LOC128462377: variants seen among roughly 807,000 people sequenced by gnomAD.
the LOC128462377 span, among the ~76,000 whole-genome samples, chr16:89,346,560 G>A: frequency 6.6e-6 from 1 of 152,228 alleles, no homozygotes; most frequent in South Asian, 2.1e-4. Flanking sequence ...CTTCTGAAGT[G>A]ACAGTGCAGT....
chr16:89,342,877 T>C, the LOC128462377 span, among the ~76,000 whole-genome samples: 2 of 151,690 alleles, frequency 1.3e-5, no homozygotes, highest in Non-Finnish European at 2.9e-5. Flanking sequence ...GGCAAAGGAG[T>C]GGGAAAGGGA....
the LOC128462377 span, among the ~76,000 whole-genome samples, chr16:89,377,419 C>T: frequency 6.6e-6 from 1 of 150,508 alleles, no homozygotes; most frequent in African/African-American, 2.5e-5. Context: ...TGTGATTCCA[C>T]AGGGTTTACA....
the LOC128462377 span, among the ~76,000 whole-genome samples, chr16:89,353,671 G>C: frequency 1.3e-5 from 2 of 152,104 alleles, no homozygotes; most frequent in South Asian, 2.1e-4. Context: ...GTAGAGACAG[G>C]GTTTCATCAT....
the LOC128462377 span, among the ~76,000 whole-genome samples, chr16:89,327,039 GAATGCAGAGGTGGGA>G: frequency 9.3e-4 from 41 of 44,224 alleles, no homozygotes; most frequent in African/African-American, 3.6e-3. Context: ...CAGAGGTGGG[GAATGCAGAGGTGGGA>G]AATGCAGAGG....
chr16:89,332,702 C>T, the LOC128462377 span, among the ~76,000 whole-genome samples: 3 of 152,316 alleles, frequency 2.0e-5, no homozygotes, highest in East Asian at 3.9e-4. Flanking sequence ...GGCTCTCCTC[C>T]GGCAGGGCCT....
At chr16:89,336,360 G>A in the LOC128462377 span, among the ~76,000 whole-genome samples, 2 of 152,350 alleles carry the variant, frequency 1.3e-5, no homozygotes, top group South Asian at 4.1e-4. Context: ...ACCTAGAGGC[G>A]GGTGTGCGTC....
the LOC128462377 span, among the ~76,000 whole-genome samples, chr16:89,414,042 C>T: frequency 6.0e-5 from 9 of 149,524 alleles, no homozygotes; most frequent in East Asian, 1.7e-3. Flanking sequence ...ACACCCTCCG[C>T]CACGGGCCTG....
chr16:89,403,631 T>C, the LOC128462377 span: 1 of 151,944 alleles, frequency 6.6e-6, no homozygotes, highest in Non-Finnish European at 1.5e-5. Context: ...CGGGAAGGGA[T>C]TTCAAAACAC....
At chr16:89,364,168 T>C in the LOC128462377 span, among the ~76,000 whole-genome samples, 1 of 152,192 alleles carries the variant, frequency 6.6e-6, no homozygotes, top group South Asian at 2.1e-4. Context: ...TACCCCAGAC[T>C]TGCTGGGCCC....
At chr16:89,365,741 G>A in the LOC128462377 span, among the ~76,000 whole-genome samples, 1 of 152,072 alleles carries the variant, frequency 6.6e-6, no homozygotes, top group Non-Finnish European at 1.5e-5. Context: ...TTTAGGTTCG[G>A]GTTGCAGGTT....
chr16:89,397,203 C>A, the LOC128462377 span, among the ~76,000 whole-genome samples: 1 of 152,150 alleles, frequency 6.6e-6, no homozygotes, highest in East Asian at 1.9e-4. Flanking sequence ...GTCTCACAGT[C>A]CTGAGGATGA....
chr16:89,331,799 T>C, the LOC128462377 span, among the ~76,000 whole-genome samples: 1 of 152,200 alleles, frequency 6.6e-6, no homozygotes, highest in Non-Finnish European at 1.5e-5. Context: ...GTGCTATTTT[T>C]ATTTTCATTT....
At chr16:89,380,717 G>C in the LOC128462377 span, among the ~76,000 whole-genome samples, 1 of 152,240 alleles carries the variant, frequency 6.6e-6, no homozygotes, top group Non-Finnish European at 1.5e-5. Flanking sequence ...TGCTTTCCAG[G>C]GAAGAGAAGT....
the LOC128462377 span, among the ~76,000 whole-genome samples, chr16:89,415,415 C>A: frequency 6.6e-6 from 1 of 151,104 alleles, no homozygotes; most frequent in African/African-American, 2.5e-5. Flanking sequence ...CAGGCGCCTG[C>A]CACCATGCCC....
the LOC128462377 span, among the ~76,000 whole-genome samples, chr16:89,319,143 G>C: frequency 6.6e-6 from 1 of 152,192 alleles, no homozygotes; most frequent in African/African-American, 2.4e-5. Flanking sequence ...ACCATGTAGA[G>C]TCCACCGTCC....
the LOC128462377 span, among the ~76,000 whole-genome samples, chr16:89,362,233 C>G: frequency 6.6e-6 from 1 of 152,220 alleles, no homozygotes; most frequent in African/African-American, 2.4e-5. Context: ...ACTGGACAAA[C>G]TGAACGGCAC....
At chr16:89,330,173 T>C in the LOC128462377 span, among the ~76,000 whole-genome samples, 1 of 152,114 alleles carries the variant, frequency 6.6e-6, no homozygotes, top group African/African-American at 2.4e-5. Flanking sequence ...AAGCAATCTC[T>C]ACAACTTCAA....
the LOC128462377 span, among the ~76,000 whole-genome samples, chr16:89,362,458 G>A: frequency 6.6e-6 from 1 of 152,202 alleles, no homozygotes; most frequent in East Asian, 1.9e-4. Flanking sequence ...GAACAGCACT[G>A]AAGCCGGAAG....
the LOC128462377 span, among the ~76,000 whole-genome samples, chr16:89,353,350 A>AAAGAGAGAG: frequency 6.7e-5 from 10 of 149,558 alleles, no homozygotes; most frequent in African/African-American, 2.5e-4. Context: ...TCCAAAAAAA[A>AAAGAGAGAG]AGAGAGAGAG....
Sources: gnomAD v4.1 joint callset for allele counts (sites outside exome capture counted in the v4.1 genomes callset) on GRCh38, gnomAD v4.1.1 for gene constraint, MANE v1.5 for transcripts.